NDUFA11: variants seen among roughly 807,000 people sequenced by gnomAD.
NDUFA11 encodes the protein NADH:ubiquinone oxidoreductase subunit A11.
Under a neutral mutation model 11.3 loss-of-function variants are expected in NDUFA11, and 14 were observed. That is an observed-to-expected ratio of 1.24 (90% CI 0.82 to 1.94). The LOEUF (loss-of-function observed/expected upper bound fraction) is 1.94. NDUFA11 is among the 30% of genes most tolerant of loss of function. NDUFA11 has a pLI of 0.00. For synonymous variants in NDUFA11, 87 were observed against 85.6 expected (o/e 1.02, Z -0.09); for missense variants, 204 against 200.3 (o/e 1.02, Z -0.11).
chr19:5,894,153 G>C (rs1352076335), downstream of NDUFA11, among the ~76,000 whole-genome samples: 1 of 152,244 alleles, frequency 6.6e-6, no homozygotes, highest in Admixed American at 6.5e-5. Context: ...GTCCTGTCCC[G>C]CTCTGCCCTA....
chr19:5,903,381 G>T (rs991552027), intron 1 of NDUFA11, among the ~76,000 whole-genome samples: 4 of 151,994 alleles, frequency 2.6e-5, no homozygotes, highest in Non-Finnish European at 5.9e-5. Flanking sequence ...ATGACCCCAG[G>T]GACTAGCTTG....
downstream of NDUFA11, chr19:5,892,780 A>C: frequency 1.7e-6 from 2 of 1,158,928 alleles, no homozygotes; most frequent in Non-Finnish European, 2.3e-6. Context: ...GATGCCCGTG[A>C]GTGGATGGGA....
intron 1 of NDUFA11, chr19:5,901,431 G>C: frequency 7.8e-7 from 1 of 1,287,036 alleles, no homozygotes; most frequent in Non-Finnish European, 1.0e-6. Flanking sequence ...CAGTTAATAT[G>C]CTTCTCCAAC....
chr19:5,895,935 G>T (rs887407570), intron 3 of NDUFA11: 121 of 191,674 alleles, frequency 6.3e-4, no homozygotes, highest in African/African-American at 2.7e-3. Context: ...CCCCTGCAGG[G>T]CTCCAGGTGC....
chr19:5,898,893 A>AAG (rs1555746455), intron 1 of NDUFA11, among the ~76,000 whole-genome samples: 7 of 151,194 alleles, frequency 4.6e-5, no homozygotes, highest in South Asian at 2.1e-4. Flanking sequence ...AAAAAAAAAA[A>AAG]AAAGAAAGAA....
At chr19:5,893,176 C>T (rs867432911), downstream of NDUFA11, 29 of 1,536,090 alleles carry the variant, frequency 1.9e-5, no homozygotes, top group African/African-American at 3.6e-4. The surrounding 1 kb of genome is among the most constrained non-coding windows in gnomAD (Gnocchi z 4.1). Context: ...GACCCAGAAT[C>T]TCTGTACACA....
intron 1 of NDUFA11, among the ~76,000 whole-genome samples, 181 bp from the exon 2 acceptor site, chr19:5,897,178 T>C (rs1410292130): frequency 2.6e-5 from 4 of 152,120 alleles, no homozygotes; most frequent in Admixed American, 2.6e-4. Context: ...GCTCCAAAAC[T>C]GGGGGGCCTC....
Position 5,901,416 on chromosome 19 carries a change from T to C in NDUFA11, c.97+2196A>G, listed in dbSNP as rs565417444. ...CTTGCAGCCCAGCTTCAAATGACCC[T>C]GGAGCAGTTAATATGCTTCTCCAAC... is the stretch of plus-strand genomic sequence containing the variant. On this transcript the variant is annotated intron_variant, in intron 1 of 3. Transcript: ENST00000308961. 617 of 1,287,172 alleles carry C rather than the reference T, an allele frequency of 4.8e-4. 4 individuals carry two copies. The African/African-American group carries it at 8.4e-3, about 17-fold the overall frequency. The allele number at this position is 1,287,172 out of a possible 1,614,324, so 79.7% of individuals were successfully genotyped here.
chr19:5,894,480 C>T (rs1304653777), downstream of NDUFA11, among the ~76,000 whole-genome samples: 3 of 152,206 alleles, frequency 2.0e-5, no homozygotes, highest in African/African-American at 7.2e-5. Context: ...GCCGTCTCCC[C>T]TCCTGGGCTC....
chr19:5,902,755 TC>T, intron 1 of NDUFA11: 1 of 152,556 alleles, frequency 6.6e-6, no homozygotes, highest in Non-Finnish European at 1.5e-5. Flanking sequence ...ACGCCTGTAA[TC>T]CCAGCACTTT....
Position 5,896,783 on chromosome 19 carries a change from G to T in NDUFA11, c.190+122C>A. ...GATAAAGGAACACCCCACTTTCTCC[G>T]GATGGCCAGCACTGTGGACACGGGC... On this transcript the variant is annotated intron_variant, in intron 2 of 3. Transcript: ENST00000308961. The surrounding 1 kb of genome is among the most constrained non-coding windows in gnomAD (Gnocchi z 5.8). The T allele has an allele frequency of 8.4e-7, 1 of 1,186,106 alleles. No individual in the cohort carries two copies. The highest frequency in any genetic ancestry group is 1.3e-6 in the Non-Finnish European group (1 of 797,544). The allele number at this position is 1,186,106 out of a possible 1,614,324, so 73.5% of individuals were successfully genotyped here. A position where few individuals can be genotyped will look rare whatever the true frequency, so the allele number is the denominator to read the frequency against.
chr19:5,896,394 G>A lies in NDUFA11; in HGVS notation c.313+59C>T. On this transcript the variant is annotated intron_variant, in intron 3 of 3. Transcript: ENST00000308961. This position sits in a 1 kb window ranked among gnomAD's most constrained non-coding sequence, Gnocchi z 5.8. ...ACAGAGAGGGTGGAGGATGAGCAGA[G>A]GTCAGGGGTCATTCTGCCAGGCTGG... The A allele has an allele frequency of 6.6e-7, 1 of 1,511,460 alleles. No homozygotes were observed. The highest frequency in any genetic ancestry group is 8.9e-7 in the Non-Finnish European group (1 of 1,119,346). The allele number at this position is 1,511,460 out of a possible 1,614,324, so 93.6% of individuals were successfully genotyped here.
At chr19:5,895,970 C>T (rs1334331747) in intron 3 of NDUFA11, 1 of 217,758 alleles carries the variant, frequency 4.6e-6, no homozygotes, top group African/African-American at 2.3e-5. Context: ...CAGGGCGAGA[C>T]TCCATCCATC....
At chr19:5,891,602 G>A (rs1379749686), downstream of NDUFA11, 1 of 152,356 alleles carries the variant, frequency 6.6e-6, no homozygotes, top group African/African-American at 2.4e-5. Flanking sequence ...TGTGTCTCCA[G>A]GGATGGATTC....
intron 1 of NDUFA11, among the ~76,000 whole-genome samples, chr19:5,902,934 C>T (rs956483156): frequency 6.8e-6 from 1 of 146,812 alleles, no homozygotes; most frequent in Non-Finnish European, 1.5e-5. Context: ...TTGCTCGAAC[C>T]AGGGACGTGA....
Position 5,896,511 on chromosome 19 carries a change from G to A in NDUFA11, c.255C>T (p.Asp85=), listed in dbSNP as rs746264059. The A allele has an allele frequency of 6.4e-6, 10 of 1,572,330 alleles. No homozygotes were observed. Among genetic ancestry groups the A allele is most frequent in the Middle Eastern group, 1.8e-4 (1 of 5,646 alleles). Residue 85 remains aspartate (D), a synonymous_variant, in exon 3 of 4, where the codon GAC becomes GAT. Coordinates refer to ENST00000308961, the MANE Select transcript of NDUFA11 (RefSeq NM_175614.5). The surrounding 1 kb of genome is among the most constrained non-coding windows in gnomAD (Gnocchi z 5.8). The part of the protein sequence containing the change: ...CISAHVREKP[D]DPLNYFLGGC... ...CACCGAGGAAGTAGTTCAGGGGGTC[G>A]TCGGGCTTCTCGCGGACATGGGCGC...
chr19:5,901,443 T>A, intron 1 of NDUFA11: 1 of 1,287,036 alleles, frequency 7.8e-7, no homozygotes, highest in Non-Finnish European at 1.0e-6. Context: ...TTCTCCAACC[T>A]TCAGTCCCTA....
At position 5,903,682 on chromosome 19, in the gene NDUFA11, G is replaced by A. The variant is rs770508373; in HGVS notation, c.27C>T (p.Tyr9=). 15 of 1,551,420 alleles carry A rather than the reference G, an allele frequency of 9.7e-6. No homozygotes were observed. The highest frequency in any genetic ancestry group is 1.2e-5 in the Non-Finnish European group (14 of 1,146,930). Reference sequence around the variant, plus strand: ...AATCGGTGCCATCGGGGATATCCCAGTACTGACGAAAAACCTTCGGCGCCA... The same window carrying A: ...AATCGGTGCCATCGGGGATATCCCAATACTGACGAAAAACCTTCGGCGCCA... MAPKVFRQ[Y]WDIPDGTDCH... Residue 9 remains tyrosine, a synonymous_variant, in exon 1 of 4, where the codon TAC becomes TAT. Coordinates refer to ENST00000308961, the MANE Select transcript of NDUFA11 (RefSeq NM_175614.5).
In NDUFA11 at chr19:5,903,764, C is replaced by T. The variant is rs757027101; in HGVS notation, c.-56G>A. The T allele has an allele frequency of 4.1e-5, 63 of 1,525,738 alleles. No individual in the cohort carries two copies. The highest frequency in any genetic ancestry group is 4.8e-5 in the South Asian group (4 of 83,542). 94.5% of individuals were successfully genotyped at this position (1,525,738 alleles called of 1,614,324 possible). A position where few individuals can be genotyped will look rare whatever the true frequency, so the allele number is the denominator to read the frequency against. ...CCCGCCAGCTCGGGAAGCGCAAGGG[C>T]AGCCGCGGCTGGCTATCGCGAGACT... is the stretch of plus-strand genomic sequence containing the variant. On this transcript the variant is annotated 5_prime_UTR_variant, in exon 1 of 4. Transcript: ENST00000308961.
Sources: gnomAD v4.1 joint callset for allele counts (sites outside exome capture counted in the v4.1 genomes callset) on GRCh38, gnomAD v4.1.1 for gene constraint, Gnocchi (gnomAD v3.1) non-coding constraint, MANE v1.5 for transcripts, NCBI Gene and HGNC (gene_info 2026-07-23, HGNC 2026-07-21) for gene names.